C2CD3: variants seen among roughly 807,000 people sequenced by gnomAD.
C2CD3 encodes the protein C2 domain containing 3 centriole elongation regulator, also known as C2 domain-containing protein 3.
A neutral mutation model predicts 234.0 loss-of-function variants in C2CD3; 148 were observed. The ratio of observed to expected loss-of-function variants is 0.63; its 90% CI spans 0.55 to 0.72. The LOEUF is 0.72. C2CD3 is among the 30% of genes least tolerant of loss of function. The pLI is 0.00. For missense variants in C2CD3, 2,577 were observed against 2,811.5 expected (o/e 0.92, Z 1.89); for synonymous variants, 1,000 against 1,035.4 (o/e 0.97, Z 0.66).
intron 24 of C2CD3, among the ~76,000 whole-genome samples, chr11:74,061,232 C>T (rs1433561528): frequency 6.6e-6 from 1 of 152,184 alleles, no homozygotes; most frequent in Non-Finnish European, 1.5e-5. Context: ...ACTTCCCCAA[C>T]CTAGTGAGGC....
At chr11:74,049,245 C>A (rs1953551199) in intron 27 of C2CD3, 92 bp downstream of exon 27, 3 of 1,054,162 alleles carry the variant, frequency 2.8e-6, no homozygotes, top group Non-Finnish European at 2.9e-6. Flanking sequence ...ATAACGTATT[C>A]TATAAGCCGG....
intron 24 of C2CD3, among the ~76,000 whole-genome samples, chr11:74,061,751 A>C (rs1004725415): frequency 2.6e-5 from 4 of 152,216 alleles, no homozygotes; most frequent in Admixed American, 1.3e-4. Flanking sequence ...TCATAATGAC[A>C]GGATCAAATT....
At chr11:74,101,359 G>T (rs1206863168) in intron 14 of C2CD3, among the ~76,000 whole-genome samples, 1 of 152,182 alleles carries the variant, frequency 6.6e-6, no homozygotes, top group Non-Finnish European at 1.5e-5. Flanking sequence ...TGTAACAGTA[G>T]AAGGTCAATA....
At chr11:74,116,830 G>GTGTGTATATATACACGTGTATA (rs1956949120) in intron 9 of C2CD3, among the ~76,000 whole-genome samples, 1 of 141,466 alleles carries the variant, frequency 7.1e-6, no homozygotes, top group Non-Finnish European at 1.5e-5. Flanking sequence ...ATATATACGT[G>GTGTGTATATATACACGTGTATA]TGTGTATATA....
At chr11:74,104,662 AAGGGAAGC>A (rs1374222375) in intron 13 of C2CD3, among the ~76,000 whole-genome samples, 1 of 152,138 alleles carries the variant, frequency 6.6e-6, no homozygotes. Context: ...TAAAAAAGAA[AAGGGAAGC>A]AGGATAAATG....
chr11:74,119,708 T>A (rs1415790152), intron 8 of C2CD3, among the ~76,000 whole-genome samples: 2 of 150,796 alleles, frequency 1.3e-5, no homozygotes, highest in Admixed American at 1.3e-4. Context: ...CAATCTCCGC[T>A]CACTGCAACC....
At chr11:74,035,554 C>G (rs886950319) in intron 30 of C2CD3, among the ~76,000 whole-genome samples, 2 of 152,200 alleles carry the variant, frequency 1.3e-5, no homozygotes, top group African/African-American at 2.4e-5. Context: ...CATGTTGTAT[C>G]TCTAGGGCCT....
rs190928150 is a variant in C2CD3, at chr11:74,138,655, G to A, written c.955+65C>T. ...GAGTCTTGGTTCTCTTTGTAGGCTG[G>A]CTAACAAGCAGAGCAATCCCATAAA... On this transcript the variant is annotated intron_variant, in intron 5 of 32. Transcript: ENST00000334126. 4.1e-5 allele frequency: 54 copies of A among 1,314,062 alleles called. No homozygotes were observed. The East Asian group carries it at 6.5e-4, about 16-fold the overall frequency. 81.4% of individuals were successfully genotyped at this position (1,314,062 alleles called of 1,614,324 possible).
intron 11 of C2CD3, among the ~76,000 whole-genome samples, chr11:74,111,963 CACACACATAT>C (rs1386512263): frequency 7.1e-4 from 67 of 93,916 alleles, no homozygotes; most frequent in South Asian, 1.8e-3. Context: ...CACACACACA[CACACACATAT>C]ATATATACAC....
At chr11:74,045,202 T>C (rs1398256290) in intron 28 of C2CD3, among the ~76,000 whole-genome samples, 1 of 152,212 alleles carries the variant, frequency 6.6e-6, no homozygotes, top group Non-Finnish European at 1.5e-5. Flanking sequence ...AGTCTTGGCA[T>C]CCTTGTTGAA....
At chr11:74,165,759 T>C (rs1481964958) in intron 2 of C2CD3, among the ~76,000 whole-genome samples, 1 of 152,144 alleles carries the variant, frequency 6.6e-6, no homozygotes, top group East Asian at 1.9e-4. Flanking sequence ...GCTCAAGTGA[T>C]TTCTCTCACC....
At chr11:74,048,430 T>C in intron 27 of C2CD3, 92 bp from the exon 28 acceptor site, 1 of 1,297,750 alleles carries the variant, frequency 7.7e-7, no homozygotes, top group Non-Finnish European at 1.1e-6. Flanking sequence ...ATTTATTGTG[T>C]GCATTTAATT....
At chr11:74,116,876 AT>A (rs1470394847) in intron 9 of C2CD3, among the ~76,000 whole-genome samples, 3 of 132,140 alleles carry the variant, frequency 2.3e-5, no homozygotes, top group African/African-American at 8.5e-5. Context: ...GTGTATATGT[AT>A]ATATACACAC....
At chr11:74,085,263 A>G (rs1371202165) in intron 21 of C2CD3, among the ~76,000 whole-genome samples, 3 of 151,920 alleles carry the variant, frequency 2.0e-5, no homozygotes, top group East Asian at 1.9e-4. Context: ...CGGCCTCCCA[A>G]AGTGCTGGGA....
In C2CD3 at chr11:74,037,646, T is replaced by C; in HGVS notation, c.5713A>G (p.Thr1905Ala). The C allele has an allele frequency of 6.2e-7, 1 of 1,614,102 alleles. No homozygotes were observed. Among genetic ancestry groups the C allele is most frequent in the Non-Finnish European group, 8.5e-7 (1 of 1,180,000 alleles). Residue 1905 changes from threonine (T) to alanine (A), a missense_variant, in exon 30 of 33, where the codon ACC (threonine) becomes GCC (alanine). Thr to Ala is a moderately conservative substitution (Grantham distance 58). Transcript: ENST00000334126. ...GGGCTGAGGGGTAGGAAAGGCTTGGTGAGCTTCTGGCGGAAGTACCTCTGA... is the reference window on the plus strand; with the variant it reads ...GGGCTGAGGGGTAGGAAAGGCTTGGCGAGCTTCTGGCGGAAGTACCTCTGA... The part of the protein sequence containing the change: ...QIQRYFRQKL[T>A]KPFLPLSPQT...
At chr11:74,017,737 G>A (rs541658592) in intron 32 of C2CD3, among the ~76,000 whole-genome samples, 1 of 152,144 alleles carries the variant, frequency 6.6e-6, no homozygotes, top group African/African-American at 2.4e-5. Flanking sequence ...GGCTTATCCC[G>A]GCCCTTGGCT....
In C2CD3 at chr11:74,085,707, T is replaced by C. The variant is rs904109374; in HGVS notation, c.3821A>G (p.Gln1274Arg). Residue 1274 changes from glutamine (Q) to arginine (R), a missense_variant, in exon 21 of 33, where the codon CAG (glutamine) becomes CGG (arginine). Transcript: ENST00000334126. ...HVEFTCNLVT[Q>R]HCSGEACFLA... ...GAAACAGGCCTCTCCACTACAGTGC[T>C]GAGTCACCAAGTTACATGTGAACTC... 6.2e-7 allele frequency: 1 copy of C among 1,614,006 alleles called. No homozygotes were observed. Among genetic ancestry groups the C allele is most frequent in the African/African-American group, 1.3e-5 (1 of 74,928 alleles).
intron 30 of C2CD3, 152 bp from the exon 31 acceptor site, chr11:74,034,430 T>C (rs1952640183): frequency 6.6e-7 from 1 of 1,526,510 alleles, no homozygotes; most frequent in Admixed American, 2.1e-5. Context: ...AGTGAGACTA[T>C]ATTCAAGGCG....
chr11:74,085,599 C>G lies in C2CD3; in HGVS notation c.3910+19G>C. Reference sequence around the variant, plus strand: ...CAGCCTCTTTTAATTTTGATTGTGACAAGTCATATGGTGCTCACCTGACTT... The same window carrying G: ...CAGCCTCTTTTAATTTTGATTGTGAGAAGTCATATGGTGCTCACCTGACTT... On this transcript the variant is annotated intron_variant, in intron 21 of 32. Transcript: ENST00000334126. The G allele has an allele frequency of 6.2e-7, 1 of 1,611,662 alleles. No homozygotes were observed. The highest frequency in any genetic ancestry group is 1.3e-5 in the African/African-American group (1 of 74,866).
Sources: allele counts gnomAD v4.1 joint callset (sites outside exome capture counted in the v4.1 genomes callset), GRCh38; gene constraint gnomAD v4.1.1; transcripts MANE v1.5; gene names NCBI Gene and HGNC (gene_info 2026-07-23, HGNC 2026-07-21).